DOCK2: variants seen among roughly 807,000 people sequenced by gnomAD.
The protein encoded by DOCK2 is dedicator of cytokinesis 2, also known as dedicator of cytokinesis protein 2.
In DOCK2, 87 loss-of-function variants were observed where a neutral mutation model predicts 248.9. The ratio of observed to expected loss-of-function variants is 0.35; its 90% CI spans 0.29 to 0.42. DOCK2 has a LOEUF of 0.42. DOCK2 is among the 10% of genes least tolerant of loss of function. The probability of loss-of-function intolerance (pLI) is 1.00; values close to 1 mark genes in which losing one functional copy is unlikely to be tolerated. For synonymous variants in DOCK2, 805 were observed against 821.6 expected (o/e 0.98, Z 0.35); for missense variants, 1,747 against 2,300.2 (o/e 0.76, Z 4.92).
intron 27 of DOCK2, among the ~76,000 whole-genome samples, chr5:169,937,702 T>C (rs551601313): frequency 2.0e-5 from 3 of 152,216 alleles, no homozygotes; most frequent in Non-Finnish European, 2.9e-5. Context: ...TCTTCTAAAT[T>C]CTCATTTAGT....
chr5:169,685,790 T>TC (rs1759936912), intron 8 of DOCK2, among the ~76,000 whole-genome samples: 1 of 152,114 alleles, frequency 6.6e-6, no homozygotes, highest in Admixed American at 6.5e-5. Context: ...TCCGTGTCAC[T>TC]AAGATGAGAA....
At chr5:169,753,043 G>A (rs957452346) in intron 23 of DOCK2, among the ~76,000 whole-genome samples, 2 of 150,320 alleles carry the variant, frequency 1.3e-5, no homozygotes, top group African/African-American at 5.0e-5. Context: ...CCAGCCTGGC[G>A]ACAGAGCAAG....
At chr5:169,683,774 G>T (rs951047031) in intron 7 of DOCK2, among the ~76,000 whole-genome samples, 4 of 151,788 alleles carry the variant, frequency 2.6e-5, no homozygotes, top group African/African-American at 9.7e-5. Context: ...ATTTTAATTG[G>T]GTTATTTTCC....
At chr5:169,791,701 T>C (rs548082189) in intron 25 of DOCK2, among the ~76,000 whole-genome samples, 131 of 152,322 alleles carry the variant, frequency 8.6e-4, no homozygotes, top group African/African-American at 2.9e-3. Context: ...CTTGCCTCTG[T>C]TGGAGACACA....
At position 170,077,814 on chromosome 5, in the gene DOCK2, C is replaced by A; in HGVS notation, c.4971C>A (p.Thr1657=). Residue 1657 remains threonine (T), a synonymous_variant, in exon 48 of 52, where the codon ACC becomes ACA. Transcript: ENST00000520908. The stretch of plus-strand genomic sequence containing the variant: ...CTTCCATGAATTCTGACTGCAGCAC[C>A]CCCAGCAAGCCTACCTCAGAGAGGT... ...SLASMNSDCS[T]PSKPTSESFD... The A allele has an allele frequency of 1.9e-6, 3 of 1,613,496 alleles. No homozygotes were observed. Among genetic ancestry groups the A allele is most frequent in the Non-Finnish European group, 2.5e-6 (3 of 1,179,956 alleles).
intron 30 of DOCK2, among the ~76,000 whole-genome samples, chr5:170,001,004 T>C (rs1754812657): frequency 6.6e-6 from 1 of 152,162 alleles, no homozygotes; most frequent in Non-Finnish European, 1.5e-5. Context: ...ACAGGGGGAC[T>C]CATGGTGGGA....
intron 27 of DOCK2, among the ~76,000 whole-genome samples, chr5:169,892,162 C>T (rs985643164): frequency 2.6e-5 from 4 of 152,000 alleles, no homozygotes; most frequent in African/African-American, 9.7e-5. Flanking sequence ...ATATCTAAAA[C>T]ACAATAAAGT....
chr5:169,955,711 A>G (rs1776839147), intron 27 of DOCK2, among the ~76,000 whole-genome samples: 2 of 152,180 alleles, frequency 1.3e-5, no homozygotes. Flanking sequence ...TTACAGAGAC[A>G]TTCTTTAACC....
chr5:169,897,558 T>C (rs1773683357), intron 27 of DOCK2, among the ~76,000 whole-genome samples: 1 of 152,174 alleles, frequency 6.6e-6, no homozygotes, highest in Non-Finnish European at 1.5e-5. Flanking sequence ...AAGACTTCAC[T>C]ACTGTATCAA....
chr5:169,835,038 C>CT lies in DOCK2; in HGVS notation c.2704-5710dup, dbSNP rs1192074667. On this transcript the variant is annotated intron_variant, in intron 26 of 51. Transcript: ENST00000520908. ...AGGAATCTTGGATTTTTCCAAATTG[C>CT]TTTTTTTTTGGTGGGGGGGTGGCAT... 3.3e-4 allele frequency among the ~76,000 whole-genome samples: 50 copies of CT among 150,836 alleles called. 1 individual carries two copies. The highest frequency in any genetic ancestry group is 2.6e-3 in the Admixed American group (39 of 15,094).
At chr5:169,713,381 G>C (rs1371537331) in intron 17 of DOCK2, among the ~76,000 whole-genome samples, 1 of 152,180 alleles carries the variant, frequency 6.6e-6, no homozygotes, top group Non-Finnish European at 1.5e-5. Context: ...TCCTGGTGCG[G>C]AGTAAGATAA....
chr5:169,864,213 G>T, intron 27 of DOCK2: 1 of 1,422,862 alleles, frequency 7.0e-7, no homozygotes, highest in Non-Finnish European at 9.7e-7. Context: ...TAAGTGCAGT[G>T]GATTTCCCAT....
At chr5:169,989,320 T>C (rs1378828912) in intron 29 of DOCK2, among the ~76,000 whole-genome samples, 1 of 152,226 alleles carries the variant, frequency 6.6e-6, no homozygotes, top group Non-Finnish European at 1.5e-5. Context: ...AAGTTCTTTA[T>C]AATGTTGTAA....
intron 27 of DOCK2, among the ~76,000 whole-genome samples, chr5:169,970,410 A>G (rs1407430637): frequency 4.6e-5 from 7 of 152,234 alleles, no homozygotes; most frequent in Non-Finnish European, 8.8e-5. Flanking sequence ...CCTGGCTGAA[A>G]TAAGGCTGGG....
chr5:169,972,916 A>G (rs963795006), intron 27 of DOCK2, among the ~76,000 whole-genome samples: 22 of 152,120 alleles, frequency 1.4e-4, no homozygotes, highest in African/African-American at 2.7e-4. Context: ...CCCCTCCCCA[A>G]TAAGCTGTTA....
At chr5:169,803,298 GAGTCTAAAGATAAA>G in intron 26 of DOCK2, 92 bp downstream of exon 26, 1 of 1,492,634 alleles carries the variant, frequency 6.7e-7, no homozygotes, top group East Asian at 2.3e-5. Flanking sequence ...ATAGCAGCTG[GAGTCTAAAGATAAA>G]AGTCAACGGC....
At chr5:169,695,552 T>C (rs1407616193) in intron 9 of DOCK2, among the ~76,000 whole-genome samples, 1 of 152,228 alleles carries the variant, frequency 6.6e-6, no homozygotes, top group Non-Finnish European at 1.5e-5. Context: ...CCCTATCATT[T>C]TGAGAGGGAA....
At chr5:169,969,435 G>T (rs906533220) in intron 27 of DOCK2, among the ~76,000 whole-genome samples, 3 of 152,094 alleles carry the variant, frequency 2.0e-5, no homozygotes, top group African/African-American at 7.2e-5. Context: ...ACAGAGTGAG[G>T]CTCCATCTCA....
chr5:169,656,593 G>A (rs948001247), intron 2 of DOCK2, among the ~76,000 whole-genome samples: 6 of 152,116 alleles, frequency 3.9e-5, no homozygotes, highest in African/African-American at 1.4e-4. Context: ...GATGACAGGG[G>A]TGAGCCACCG....
Sources: allele counts gnomAD v4.1 joint callset (sites outside exome capture counted in the v4.1 genomes callset), GRCh38; gene constraint gnomAD v4.1.1; transcripts MANE v1.5; gene names NCBI Gene and HGNC (gene_info 2026-07-23, HGNC 2026-07-21).